SEC23IP: variants seen among roughly 807,000 people sequenced by gnomAD.
SEC23IP encodes the protein SEC23 interacting protein, also known as SEC23-interacting protein.
A neutral mutation model predicts 113.4 loss-of-function variants in SEC23IP; 70 were observed. The ratio of observed to expected loss-of-function variants is 0.62; its 90% CI spans 0.51 to 0.75. The LOEUF (loss-of-function observed/expected upper bound fraction) is 0.75, where lower values mean the gene tolerates loss of function less well. Ranked by LOEUF, SEC23IP falls within the 30% of genes least tolerant of loss-of-function variation. The pLI is 0.00. For missense variants in SEC23IP, 1,160 were observed against 1,204.9 expected (o/e 0.96, Z 0.55); for synonymous variants, 398 against 421.0 (o/e 0.95, Z 0.67).
At chr10:119,931,935 T>TA (rs59278266) in intron 15 of SEC23IP, among the ~76,000 whole-genome samples, 198 bp from the exon 16 acceptor site, 45 of 148,542 alleles carry the variant, frequency 3.0e-4, no homozygotes, top group Non-Finnish European at 5.7e-4. Context: ...GTTTAGTCAT[T>TA]AAAAAAAAAA....
intron 11 of SEC23IP, 43 bp downstream of exon 11, chr10:119,919,639 C>T (rs369598461): frequency 3.0e-4 from 447 of 1,471,588 alleles, no homozygotes; most frequent in Non-Finnish European, 3.9e-4. Context: ...AATTGTTTTT[C>T]TTGTGTAGAT....
At position 119,917,979 on chromosome 10, in the gene SEC23IP, A is replaced by G. The variant is rs750464303; in HGVS notation, c.1688A>G (p.His563Arg). The change falls in exon 9 of 19, where the codon CAT becomes CGT. Residue 563 changes from histidine (H) to arginine (R), a missense_variant. Physicochemically the swap from His to Arg is conservative, Grantham distance 29 (BLOSUM62 0). Coordinates refer to ENST00000369075, the MANE Select transcript of SEC23IP (RefSeq NM_007190.4). The part of the protein sequence containing the change: ...EKVGMEINHL[H>R]ALFMSRNPDF... ...GTAGGAATGGAGATAAACCATCTGC[A>G]TGCACTCTTTATGAGTCGGAACCCA... is the stretch of plus-strand genomic sequence containing the variant. 12 of 1,614,032 alleles carry G rather than the reference A, an allele frequency of 7.4e-6. No individual in the cohort carries two copies. Among genetic ancestry groups the G allele is most frequent in the African/African-American group, 1.3e-5 (1 of 74,934 alleles).
Position 119,933,232 on chromosome 10 carries a change from A to G in SEC23IP, c.2921+65A>G. ...TGGTGCTAGCACGTGCAGCAATTTT[A>G]GTTTTAGTGAGATTCTTTTACTGAT... On this transcript the variant is annotated intron_variant, in intron 17 of 18. Coordinates refer to ENST00000369075, the MANE Select transcript of SEC23IP (RefSeq NM_007190.4). 9 of 1,287,068 alleles carry G rather than the reference A, an allele frequency of 7.0e-6. No homozygotes were observed. In the Middle Eastern group the frequency reaches 5.8e-4, roughly 83 times the overall value. 79.7% of individuals were successfully genotyped at this position (1,287,068 alleles called of 1,614,324 possible). A position where few individuals can be genotyped will look rare whatever the true frequency, so the allele number is the denominator to read the frequency against.
chr10:119,922,238 G>A (rs1370103290), intron 12 of SEC23IP, among the ~76,000 whole-genome samples: 1 of 152,128 alleles, frequency 6.6e-6, no homozygotes, highest in Non-Finnish European at 1.5e-5. Flanking sequence ...GCTTGAAGGA[G>A]GGGTAAGGTC....
Position 119,915,905 on chromosome 10 carries a change from T to G in SEC23IP, c.1544+16T>G. On this transcript the variant is annotated intron_variant, in intron 8 of 18. Transcript: ENST00000369075. ...GTGTGGACAGGTTTGTGGATTTTGA[T>G]AACTTGTTTTTCAGATTAGTCATAT... is the stretch of plus-strand genomic sequence containing the variant. 1 of 1,454,938 alleles carries G rather than the reference T, an allele frequency of 6.9e-7. No homozygotes were observed. Among genetic ancestry groups the G allele is most frequent in the South Asian group, 1.6e-5 (1 of 62,990 alleles). 90.1% of individuals were successfully genotyped at this position (1,454,938 alleles called of 1,614,324 possible). A position where few individuals can be genotyped will look rare whatever the true frequency, so the allele number is the denominator to read the frequency against.
At chr10:119,930,548 A>G (rs976814339) in intron 15 of SEC23IP, 117 bp downstream of exon 15, 14 of 557,746 alleles carry the variant, frequency 2.5e-5, no homozygotes, top group African/African-American at 7.7e-5. Context: ...AGTGCCTACT[A>G]TGTTCAGAAC....
rs1350918324 is a variant in SEC23IP at position 119,940,659 on chromosome 10, C to T, written c.*94C>T. ...AAATCCTCAGAGGACTTTCCCACTT[C>T]GCTCCTGTGATGGATGACAGAAGAG... On this transcript the variant is annotated 3_prime_UTR_variant, in exon 19 of 19. Transcript: ENST00000369075. The T allele has an allele frequency of 6.6e-6, 1 of 151,854 alleles. No homozygotes were observed. The highest frequency in any genetic ancestry group is 1.5e-5 in the Non-Finnish European group (1 of 67,986). 9.4% of individuals were successfully genotyped at this position (151,854 alleles called of 1,614,324 possible). A position where few individuals can be genotyped will look rare whatever the true frequency, so the allele number is the denominator to read the frequency against.
chr10:119,936,370 A>G (rs1335448539), intron 18 of SEC23IP, among the ~76,000 whole-genome samples: 1 of 151,928 alleles, frequency 6.6e-6, no homozygotes, highest in Non-Finnish European at 1.5e-5. Flanking sequence ...CAGCCTGGCC[A>G]ACATAGTGAA....
chr10:119,935,993 A>G (rs1855766110), intron 18 of SEC23IP, among the ~76,000 whole-genome samples: 2 of 152,218 alleles, frequency 1.3e-5, no homozygotes, highest in South Asian at 2.1e-4. Context: ...AGCAGTCCCT[A>G]CTGATGGGCA....
chr10:119,943,224 T>C lies in SEC23IP; in HGVS notation c.*2659T>C, dbSNP rs1300336691. On this transcript the variant is annotated 3_prime_UTR_variant, in exon 19 of 19. Transcript: ENST00000369075. ...ATAGTTCTCATTGTAACTTAATAAG[T>C]TGGCATTCCAGCTTAGTTTGAGTCA... The C allele has an allele frequency of 6.6e-6, 1 of 152,206 alleles. No homozygotes were observed. The highest frequency in any genetic ancestry group is 1.5e-5 in the Non-Finnish European group (1 of 68,034). 9.4% of individuals were successfully genotyped at this position (152,206 alleles called of 1,614,324 possible).
intron 1 of SEC23IP, among the ~76,000 whole-genome samples, chr10:119,895,892 T>A (rs1854268331): frequency 6.6e-6 from 1 of 152,170 alleles, no homozygotes; most frequent in African/African-American, 2.4e-5. Flanking sequence ...CTCAGTGATC[T>A]ATGGGCCACA....
At chr10:119,939,250 T>C (rs1855888961) in intron 18 of SEC23IP, among the ~76,000 whole-genome samples, 1 of 151,246 alleles carries the variant, frequency 6.6e-6, no homozygotes, top group South Asian at 2.1e-4. Context: ...GTTCGGGAGA[T>C]TGAGGCTGCA....
intron 18 of SEC23IP, among the ~76,000 whole-genome samples, chr10:119,934,872 C>G (rs1855722401): frequency 6.6e-6 from 1 of 152,218 alleles, no homozygotes; most frequent in Admixed American, 6.5e-5. Context: ...CATGGTGTCT[C>G]ACACCTCTAA....
chr10:119,898,832 G>A lies in SEC23IP; in HGVS notation c.569G>A (p.Ser190Asn). Reference sequence around the variant, plus strand: ...CCATATCGCCATACCCCTGGCAGCAGCAGGGCTAATCCTTACATTGCACCA... The same window carrying A: ...CCATATCGCCATACCCCTGGCAGCAACAGGGCTAATCCTTACATTGCACCA... ...YNPYRHTPGS[S>N]RANPYIAPPQ... Residue 190 changes from serine to asparagine, a missense_variant, in exon 2 of 19, where the codon AGC (serine) becomes AAC (asparagine). Ser to Asn is a conservative substitution (Grantham distance 46). Coordinates refer to ENST00000369075, the MANE Select transcript of SEC23IP (RefSeq NM_007190.4). 6.2e-7 allele frequency: 1 copy of A among 1,613,750 alleles called. No homozygotes were observed. Among genetic ancestry groups the A allele is most frequent in the Non-Finnish European group, 8.5e-7 (1 of 1,180,010 alleles).
rs1310401952 is a variant in SEC23IP, at chr10:119,940,577, C to CT, written c.*21-4dup. The CT allele has an allele frequency of 1.4e-5, 2 of 147,390 alleles. No individual in the cohort carries two copies. Among genetic ancestry groups the CT allele is most frequent in the Non-Finnish European group, 3.0e-5 (2 of 66,694 alleles). 9.1% of individuals were successfully genotyped at this position (147,390 alleles called of 1,614,324 possible). ...TTCACTGAGGTTTTTTTTTTTTTTC[C>CT]TTTTTAAGACTTTCTTGTCTGCACA... On this transcript the variant is annotated splice_polypyrimidine_tract_variant and intron_variant, in intron 18 of 18. Transcript: ENST00000369075.
Position 119,902,822 on chromosome 10 carries a change from G to A in SEC23IP, c.720G>A (p.Pro240=), listed in dbSNP as rs373510596. The A allele has an allele frequency of 5.0e-6, 8 of 1,614,094 alleles. No homozygotes were observed. Among genetic ancestry groups the A allele is most frequent in the African/African-American group, 4.0e-5 (3 of 75,026 alleles). ...LPPVPSSVQS[P]AQQQVPARPG... is the part of the protein sequence containing the mutation. ...AGGTTCCTTCTTCAGTGCAGTCACC[G>A]GCACAGCAGCAGGTACCTGCCAGAC... The change falls in exon 3 of 19, where the codon CCG becomes CCA. Residue 240 remains proline (P), a synonymous_variant. Coordinates refer to ENST00000369075, the MANE Select transcript of SEC23IP (RefSeq NM_007190.4).
chr10:119,937,080 G>T (rs1355893735), intron 18 of SEC23IP, among the ~76,000 whole-genome samples: 3 of 151,264 alleles, frequency 2.0e-5, no homozygotes, highest in Admixed American at 2.0e-4. Flanking sequence ...GTAGAGACGG[G>T]GTTTCACTGT....
rs569165327 is a variant in SEC23IP, at chr10:119,932,870, C to T, written c.2759-135C>T. The T allele has an allele frequency of 1.4e-4, 95 of 693,248 alleles. No individual in the cohort carries two copies. In the Middle Eastern group the frequency reaches 3.2e-3, roughly 23 times the overall value. 42.9% of individuals were successfully genotyped at this position (693,248 alleles called of 1,614,324 possible). A position where few individuals can be genotyped will look rare whatever the true frequency, so the allele number is the denominator to read the frequency against. On this transcript the variant is annotated intron_variant, in intron 16 of 18. Transcript: ENST00000369075. ...CTCTTCCCCTGGCTCTTTGGAGGAA[C>T]GGGGAGTGAGCCTGGTAGCTCCTCA...
intron 1 of SEC23IP, among the ~76,000 whole-genome samples, chr10:119,894,814 A>G (rs182244847): frequency 5.0e-4 from 76 of 151,516 alleles, no homozygotes; most frequent in African/African-American, 1.8e-3. Flanking sequence ...TGTCACTGTG[A>G]ATTCATGCTA....
Sources: gnomAD v4.1 joint callset for allele counts (sites outside exome capture counted in the v4.1 genomes callset) on GRCh38, gnomAD v4.1.1 for gene constraint, MANE v1.5 for transcripts, NCBI Gene and HGNC (gene_info 2026-07-23, HGNC 2026-07-21) for gene names.